CNTN5: variants seen among roughly 807,000 people sequenced by gnomAD.
CNTN5 encodes the protein contactin 5.
In CNTN5, 77 loss-of-function variants were observed where a neutral mutation model predicts 129.1. That is an observed-to-expected ratio of 0.60 (90% CI 0.50 to 0.72). The LOEUF is 0.72. CNTN5 is among the 30% of genes least tolerant of loss of function. CNTN5 has a pLI of 0.00. For missense variants in CNTN5, 1,478 were observed against 1,328.8 expected, an observed-to-expected ratio of 1.11 and a Z score of -1.75; for synonymous variants, 509 against 465.6, an observed-to-expected ratio of 1.09 and a Z score of -1.20.
intron 2 of CNTN5, among the ~76,000 whole-genome samples, chr11:99,338,745 A>G (rs1866349082): frequency 6.6e-6 from 1 of 151,632 alleles, no homozygotes; most frequent in African/African-American, 2.4e-5. Flanking sequence ...CTCTATTTGT[A>G]TATGCTCATT....
intron 9 of CNTN5, among the ~76,000 whole-genome samples, chr11:100,038,359 A>G (rs1942155796): frequency 6.6e-6 from 1 of 152,116 alleles, no homozygotes; most frequent in Non-Finnish European, 1.5e-5. Context: ...CTGTTCTTTT[A>G]CATTTGCTGA....
intron 7 of CNTN5, among the ~76,000 whole-genome samples, chr11:99,931,723 T>C (rs1950196929): frequency 1.3e-5 from 2 of 152,190 alleles, no homozygotes; most frequent in Admixed American, 1.3e-4. Context: ...GTCAAATTAG[T>C]ATGTTAAATG....
intron 23 of CNTN5, among the ~76,000 whole-genome samples, chr11:100,346,634 T>C (rs1032313694): frequency 2.0e-5 from 3 of 152,032 alleles, no homozygotes; most frequent in African/African-American, 7.2e-5. Context: ...ATCTAGAAAA[T>C]AGCCTTTCCT....
intron 2 of CNTN5, among the ~76,000 whole-genome samples, chr11:99,492,599 T>G (rs1163728200): frequency 6.6e-6 from 1 of 152,182 alleles, no homozygotes; most frequent in African/African-American, 2.4e-5. Context: ...TGGTTCTGTA[T>G]AGGGGAGAAA....
intron 12 of CNTN5, among the ~76,000 whole-genome samples, chr11:100,072,445 T>C (rs1943956781): frequency 6.6e-6 from 1 of 152,184 alleles, no homozygotes; most frequent in Non-Finnish European, 1.5e-5. Context: ...ATCCATCCAG[T>C]GAAATAGACT....
intron 9 of CNTN5, among the ~76,000 whole-genome samples, chr11:100,035,191 A>G (rs1278552061): frequency 4.5e-5 from 6 of 134,432 alleles, no homozygotes; most frequent in East Asian, 4.7e-4. Flanking sequence ...CCATTGTTCA[A>G]TTCCCACCTA....
chr11:99,895,273 A>G (rs1022649376), intron 6 of CNTN5, among the ~76,000 whole-genome samples: 1 of 152,216 alleles, frequency 6.6e-6, no homozygotes, highest in African/African-American at 2.4e-5. Context: ...GGGCTAGTCA[A>G]TATTGACATT....
chr11:100,094,039 C>T (rs1324221284), intron 13 of CNTN5, among the ~76,000 whole-genome samples: 6 of 152,024 alleles, frequency 3.9e-5, no homozygotes, highest in Non-Finnish European at 8.8e-5. Context: ...CATATTTAGG[C>T]TTTATTTAAT....
At chr11:99,670,488 C>T (rs1952987168) in intron 3 of CNTN5, among the ~76,000 whole-genome samples, 1 of 152,150 alleles carries the variant, frequency 6.6e-6, no homozygotes, top group African/African-American at 2.4e-5. Context: ...ATTCACACTG[C>T]AGCCAGGGGA....
At chr11:100,297,389 AT>A (rs1325708203) in intron 18 of CNTN5, among the ~76,000 whole-genome samples, 1 of 151,552 alleles carries the variant, frequency 6.6e-6, no homozygotes, top group Non-Finnish European at 1.5e-5. Context: ...TTATTTAGAA[AT>A]CACTACCACA....
At chr11:99,903,854 C>A (rs993055655) in intron 6 of CNTN5, among the ~76,000 whole-genome samples, 2 of 151,992 alleles carry the variant, frequency 1.3e-5, no homozygotes, top group African/African-American at 2.4e-5. Context: ...TACAAATGGG[C>A]AAATGAGCTG....
chr11:100,292,468 T>G (rs751878057), intron 18 of CNTN5, among the ~76,000 whole-genome samples: 1 of 152,016 alleles, frequency 6.6e-6, no homozygotes, highest in African/African-American at 2.4e-5. Context: ...TCAGGAACTA[T>G]TATTTATTGT....
intron 9 of CNTN5, among the ~76,000 whole-genome samples, chr11:100,040,529 ACTG>A (rs887802154): frequency 6.6e-6 from 1 of 152,186 alleles, no homozygotes; most frequent in Admixed American, 6.5e-5. Context: ...TGCAGAGGTT[ACTG>A]CTGTCTTTTT....
chr11:99,102,201 G>A (rs1251222595), intron 1 of CNTN5, among the ~76,000 whole-genome samples: 2 of 152,076 alleles, frequency 1.3e-5, no homozygotes, highest in Non-Finnish European at 2.9e-5. Context: ...ACAGCAGGGG[G>A]TTCTGGGCCT....
chr11:99,967,686 C>A (rs1591497245), intron 8 of CNTN5, among the ~76,000 whole-genome samples: 2 of 152,066 alleles, frequency 1.3e-5, no homozygotes, highest in African/African-American at 4.8e-5. Context: ...TCCCCATTAA[C>A]CACATCTAAT....
chr11:100,258,939 A>G (rs1352724381), intron 17 of CNTN5, among the ~76,000 whole-genome samples: 1 of 152,230 alleles, frequency 6.6e-6, no homozygotes, highest in African/African-American at 2.4e-5. Flanking sequence ...AAATTTACAC[A>G]TAACAATATT....
intron 1 of CNTN5, among the ~76,000 whole-genome samples, chr11:99,124,259 T>A (rs1219701594): frequency 6.6e-6 from 1 of 152,120 alleles, no homozygotes; most frequent in Non-Finnish European, 1.5e-5. Flanking sequence ...TGGTTAGCTA[T>A]ATTCCTAGGC....
intron 3 of CNTN5, among the ~76,000 whole-genome samples, chr11:99,568,998 T>C (rs1233885172): frequency 2.6e-5 from 4 of 152,174 alleles, no homozygotes; most frequent in East Asian, 1.9e-4. Context: ...TAAATATCAA[T>C]GAAGTCTTCA....
intron 1 of CNTN5, among the ~76,000 whole-genome samples, chr11:99,187,731 G>C (rs1368173258): frequency 1.3e-5 from 2 of 151,700 alleles, no homozygotes; most frequent in African/African-American, 4.8e-5. Context: ...ATCACTTAAA[G>C]CAATTTTTGT....
Sources: gnomAD v4.1 joint callset for allele counts (sites outside exome capture counted in the v4.1 genomes callset) on GRCh38, gnomAD v4.1.1 for gene constraint, MANE v1.5 for transcripts, NCBI Gene and HGNC (gene_info 2026-07-23, HGNC 2026-07-21) for gene names.